The following HK2 variants were observed in gnomAD, a reference collection of about 807,000 sequenced individuals.
The protein encoded by HK2 is hexokinase-2.
In HK2, 42 loss-of-function variants were observed where a neutral mutation model predicts 92.9. The ratio of observed to expected loss-of-function variants is 0.45; its 90% confidence interval spans 0.35 to 0.58. The LOEUF (loss-of-function observed/expected upper bound fraction) is 0.58. HK2 is among the 20% of genes least tolerant of loss of function. HK2 has a pLI of 0.00. For missense variants in HK2, 978 were observed against 1,245.1 expected, an observed-to-expected ratio of 0.79 and a Z score of 3.23; for synonymous variants, 422 against 468.0, an observed-to-expected ratio of 0.90 and a Z score of 1.27.
chr2:74,840,202 C>A (rs890610883), intron 1 of HK2, among the ~76,000 whole-genome samples: 3 of 151,274 alleles, frequency 2.0e-5, no homozygotes, highest in Non-Finnish European at 4.4e-5. Flanking sequence ...CATGATCCAC[C>A]TGCCTAGGCC....
rs28384369 is a variant in HK2 at position 74,892,046 on chromosome 2, C to A, written c.*1105C>A. On this transcript the variant is annotated 3_prime_UTR_variant, in exon 18 of 18. Transcript: ENST00000290573. ...GGAAGGCAGGGACAGAGATGGAGGC[C>A]GAGCCAATAGACTGAAGAGACCACA... is the stretch of plus-strand genomic sequence containing the variant. 6.6e-6 allele frequency: 1 copy of A among 152,474 alleles called. No homozygotes were observed. The highest frequency in any genetic ancestry group is 1.5e-5 in the Non-Finnish European group (1 of 68,032). 9.4% of individuals were successfully genotyped at this position (152,474 alleles called of 1,614,324 possible).
At position 74,890,871 on chromosome 2, in the gene HK2, A is replaced by G. The variant is rs762795452; in HGVS notation, c.2684A>G (p.Asp895Gly). 5 of 1,614,134 alleles carry G rather than the reference A, an allele frequency of 3.1e-6. No homozygotes were observed. The South Asian group carries it at 5.5e-5, about 18-fold the overall frequency. Residue 895 changes from aspartate (D) to glycine (G), a missense_variant, in exon 18 of 18, where the codon GAT becomes GGT. Transcript: ENST00000290573. ...KCDVSFLQSE[D>G]GSGKGAALIT... is the part of the protein sequence containing the mutation. ...GATGTGTCTTTCCTGCAGTCAGAGG[A>G]TGGCAGCGGGAAGGGGGCGGCGCTC...
chr2:74,837,488 G>C (rs1011145536), intron 1 of HK2, among the ~76,000 whole-genome samples: 2 of 152,100 alleles, frequency 1.3e-5, no homozygotes, highest in Non-Finnish European at 2.9e-5. Flanking sequence ...CTGGTCTCTT[G>C]GTTACTTTGG....
At chr2:74,880,640 C>A in intron 10 of HK2, 71 bp downstream of exon 10, 1 of 1,453,900 alleles carries the variant, frequency 6.9e-7, no homozygotes, top group Non-Finnish European at 9.5e-7. Context: ...TGGGAGGGAT[C>A]CCTTAGCATT....
chr2:74,843,791 C>A (rs551166441), intron 1 of HK2, among the ~76,000 whole-genome samples: 1 of 152,164 alleles, frequency 6.6e-6, no homozygotes, highest in Non-Finnish European at 1.5e-5. Flanking sequence ...TGAGGGCATT[C>A]GAAACTGCCA....
chr2:74,838,299 G>C lies in HK2; in HGVS notation c.63+3656G>C, dbSNP rs1231294212. Among the ~76,000 whole-genome samples the C allele has an allele frequency of 1.1e-4, 16 of 152,226 alleles. No individual in the cohort carries two copies. The East Asian group carries it at 3.1e-3, about 29-fold the overall frequency. ...CTTTCTGGAGAAAGAAGCTAAACCA[G>C]GGCTGCAGGAAGTGGAGGAGCTGGG... On this transcript the variant is annotated intron_variant, in intron 1 of 17. Coordinates refer to ENST00000290573, the MANE Select transcript of HK2 (RefSeq NM_000189.5).
intron 1 of HK2, among the ~76,000 whole-genome samples, chr2:74,845,780 A>G (rs993704795): frequency 2.6e-5 from 4 of 152,204 alleles, no homozygotes; most frequent in Admixed American, 2.0e-4. Context: ...AGAGGACAGG[A>G]GACTTACAGA....
intron 2 of HK2, among the ~76,000 whole-genome samples, chr2:74,866,082 C>A (rs1688941174): frequency 6.6e-6 from 1 of 152,072 alleles, no homozygotes; most frequent in African/African-American, 2.4e-5. Context: ...TCGCCTGACA[C>A]ACTTCTGGTT....
At position 74,839,299 on chromosome 2, in the gene HK2, C is replaced by A. The variant is rs568086884; in HGVS notation, c.63+4656C>A. Among the ~76,000 whole-genome samples the A allele has an allele frequency of 4.6e-5, 7 of 152,262 alleles. No individual in the cohort carries two copies. In the East Asian group the frequency reaches 1.4e-3, roughly 29 times the overall value. On this transcript the variant is annotated intron_variant, in intron 1 of 17. Coordinates refer to ENST00000290573, the MANE Select transcript of HK2 (RefSeq NM_000189.5). Reference sequence around the variant, plus strand: ...GGCTGGAGTTAGAGCCTCAAGGAACCTTGGCACATTTTGGACACCTACCAC... The same window carrying A: ...GGCTGGAGTTAGAGCCTCAAGGAACATTGGCACATTTTGGACACCTACCAC...
At chr2:74,836,757 A>G (rs578228570) in intron 1 of HK2, among the ~76,000 whole-genome samples, 1 of 152,366 alleles carries the variant, frequency 6.6e-6, no homozygotes, top group African/African-American at 2.4e-5. Flanking sequence ...GCAGAGACTC[A>G]GAGTATCTTG....
At chr2:74,873,438 T>G (rs1689148448) in intron 5 of HK2, 67 bp downstream of exon 5, 1 of 1,003,240 alleles carries the variant, frequency 1.0e-6, no homozygotes, top group Non-Finnish European at 1.6e-6. Flanking sequence ...ACTCCCTGAG[T>G]GTCCTTGACT....
chr2:74,886,649 T>A lies in HK2; in HGVS notation c.2195T>A (p.Leu732His), dbSNP rs146286346. The A allele has an allele frequency of 2.5e-6, 4 of 1,613,830 alleles. No homozygotes were observed. Among genetic ancestry groups the A allele is most frequent in the Non-Finnish European group, 3.4e-6 (4 of 1,179,974 alleles). ...GAATTTGATGTGGCTGTGGATGAGC[T>A]TTCACTCAACCCCGGCAAGCAGAGG... is the stretch of plus-strand genomic sequence containing the variant. ...RTEFDVAVDE[L>H]SLNPGKQRFE... is the part of the protein sequence containing the mutation. The change falls in exon 15 of 18, where the codon CTT becomes CAT. Residue 732 changes from leucine (L) to histidine (H), a missense_variant. Leu to His is a moderately conservative substitution (Grantham distance 99). Transcript: ENST00000290573.
intron 1 of HK2, among the ~76,000 whole-genome samples, chr2:74,835,608 TG>T (rs1218841015): frequency 8.4e-6 from 1 of 119,526 alleles, no homozygotes; most frequent in Non-Finnish European, 1.8e-5. Flanking sequence ...GGTATGGGGG[TG>T]GGGATGGGGC....
rs766629431 is a variant in HK2 at position 74,878,742 on chromosome 2, C to A, written c.1086C>A (p.Asp362Glu). ...AGGTCCTGATGCGGTTGGGCCTGGACCCGACTCAGGAGGACTGCGTGGCCA... is the reference window on the plus strand; with the variant it reads ...AGGTCCTGATGCGGTTGGGCCTGGAACCGACTCAGGAGGACTGCGTGGCCA... ...AREVLMRLGL[D>E]PTQEDCVATH... The change falls in exon 9 of 18, where the codon GAC becomes GAA. Residue 362 changes from aspartate (D) to glutamate (E), a missense_variant. Physicochemically the swap from Asp to Glu is conservative, Grantham distance 45. Around this residue, in one of 3 missense-constraint regions of HK2, gnomAD observed 742 missense variants for 922.5 expected, o/e 0.80. Transcript: ENST00000290573. The A allele has an allele frequency of 2.5e-6, 4 of 1,604,470 alleles. No individual in the cohort carries two copies. The East Asian group carries it at 6.7e-5, about 27-fold the overall frequency.
At chr2:74,844,499 G>A (rs1031164339) in intron 1 of HK2, among the ~76,000 whole-genome samples, 1 of 152,200 alleles carries the variant, frequency 6.6e-6, no homozygotes, top group Non-Finnish European at 1.5e-5. Context: ...GATTGTCTTG[G>A]GTAAGCAGGG....
chr2:74,857,341 C>T (rs1381864018), intron 2 of HK2, among the ~76,000 whole-genome samples: 1 of 152,150 alleles, frequency 6.6e-6, no homozygotes, highest in African/African-American at 2.4e-5. Flanking sequence ...GGAGATAAAC[C>T]CTTGGTGTTC....
In HK2 at chr2:74,834,706, C is replaced by T. The variant is rs1000378963; in HGVS notation, c.63+63C>T. On this transcript the variant is annotated intron_variant, in intron 1 of 17. Transcript: ENST00000290573. This position sits in a 1 kb window ranked among gnomAD's most constrained non-coding sequence, Gnocchi z 4.2. The stretch of plus-strand genomic sequence containing the variant: ...GCAAAGTGGTCTGGCCTCCATCAGT[C>T]TCTTCCTCGACCCTGCGGGGACCCG... 5.1e-6 allele frequency: 8 copies of T among 1,555,498 alleles called. No homozygotes were observed. In the African/African-American group the frequency reaches 9.5e-5, roughly 18 times the overall value.
intron 1 of HK2, among the ~76,000 whole-genome samples, chr2:74,852,097 T>C (rs979806076): frequency 4.6e-5 from 7 of 152,176 alleles, no homozygotes; most frequent in Non-Finnish European, 8.8e-5. Flanking sequence ...AGAGGGCTGT[T>C]CTAAGGATGA....
rs934147150 is a variant in HK2, at chr2:74,862,352, C to T, written c.227-5284C>T. ...ATGTGTGGATTCTTCTCTTACTAAC[C>T]TAGGCCTAGCTGTTCAGCTCATTCA... is the stretch of plus-strand genomic sequence containing the variant. On this transcript the variant is annotated intron_variant, in intron 2 of 17. Coordinates refer to ENST00000290573, the MANE Select transcript of HK2 (RefSeq NM_000189.5). 6.6e-5 allele frequency among the ~76,000 whole-genome samples: 10 copies of T among 152,244 alleles called. No homozygotes were observed. The East Asian group carries it at 1.9e-3, about 29-fold the overall frequency.
Sources: gnomAD v4.1 joint callset for allele counts (sites outside exome capture counted in the v4.1 genomes callset) on GRCh38, gnomAD v4.1.1 for gene constraint, gnomAD v4.1.1 regional missense constraint, Gnocchi (gnomAD v3.1) non-coding constraint, MANE v1.5 for transcripts, NCBI Gene and HGNC (gene_info 2026-07-23, HGNC 2026-07-21) for gene names.